The following IMMP2L variants were observed in gnomAD, a reference collection of about 807,000 sequenced individuals.
IMMP2L encodes inner mitochondrial membrane peptidase subunit 2.
IMMP2L carries 18 observed loss-of-function variants against 19.3 expected under a neutral mutation model. The ratio of observed to expected loss-of-function variants is 0.93; its 90% confidence interval spans 0.64 to 1.38. The LOEUF is 1.38. Among genes scored for constraint, IMMP2L ranks in the 40% most tolerant of loss-of-function variants. The pLI is 0.00. For missense variants in IMMP2L, 233 were observed against 218.2 expected, an observed-to-expected ratio of 1.07 and a Z score of -0.43; for synonymous variants, 76 against 73.0, an observed-to-expected ratio of 1.04 and a Z score of -0.21.
chr7:111,047,204 T>C (rs896463573), intron 3 of IMMP2L, among the ~76,000 whole-genome samples: 4 of 151,838 alleles, frequency 2.6e-5, no homozygotes, highest in African/African-American at 9.7e-5. Context: ...TTTGTTTTTT[T>C]TGAGACAGAG....
At chr7:111,552,213 G>C (rs1790744460) in intron 1 of IMMP2L, among the ~76,000 whole-genome samples, 1 of 152,152 alleles carries the variant, frequency 6.6e-6, no homozygotes. Flanking sequence ...GTGTCATAAT[G>C]CTAACATGGC....
intron 3 of IMMP2L, among the ~76,000 whole-genome samples, chr7:111,484,221 T>C (rs1342514785): frequency 1.3e-5 from 2 of 152,018 alleles, no homozygotes; most frequent in African/African-American, 2.4e-5. Flanking sequence ...TCATGTCTTT[T>C]AAACTGTGTT....
chr7:110,956,081 C>A (rs750922405), intron 4 of IMMP2L, among the ~76,000 whole-genome samples: 1 of 151,972 alleles, frequency 6.6e-6, no homozygotes, highest in Non-Finnish European at 1.5e-5. Flanking sequence ...ATTTCCACAT[C>A]TTCAATAGTA....
chr7:111,336,151 A>G (rs954951975), intron 3 of IMMP2L, among the ~76,000 whole-genome samples: 10 of 151,568 alleles, frequency 6.6e-5, no homozygotes, highest in African/African-American at 2.4e-4. Context: ...CCAGGAAGAA[A>G]TCCTCCTGCC....
chr7:111,293,495 T>A (rs1821325045), intron 3 of IMMP2L, among the ~76,000 whole-genome samples: 1 of 151,904 alleles, frequency 6.6e-6, no homozygotes, highest in Admixed American at 6.6e-5. Context: ...ACCAAATACG[T>A]ACCTCCTTCA....
chr7:110,766,096 A>T (rs1798640903), intron 5 of IMMP2L, among the ~76,000 whole-genome samples: 1 of 152,182 alleles, frequency 6.6e-6, no homozygotes, highest in African/African-American at 2.4e-5. Context: ...AATTAAATAT[A>T]ATTTGTTGTG....
intron 3 of IMMP2L, among the ~76,000 whole-genome samples, chr7:111,324,962 C>A (rs979526898): frequency 1.3e-5 from 2 of 151,670 alleles, no homozygotes; most frequent in African/African-American, 4.8e-5. Context: ...AAAACATTAA[C>A]TGAAATTAAT....
chr7:111,112,475 AC>A (rs1429451506), intron 3 of IMMP2L, among the ~76,000 whole-genome samples: 1 of 151,968 alleles, frequency 6.6e-6, no homozygotes, highest in Non-Finnish European at 1.5e-5. Flanking sequence ...ATTTCCACTC[AC>A]AAAAAGATGC....
At chr7:111,196,081 C>A (rs1809468434) in intron 3 of IMMP2L, among the ~76,000 whole-genome samples, 9 of 151,940 alleles carry the variant, frequency 5.9e-5, no homozygotes, top group Admixed American at 5.9e-4. Flanking sequence ...TCTGTGTTGC[C>A]CAGACTGGTC....
chr7:110,674,090 T>C (rs1792113543), intron 5 of IMMP2L, among the ~76,000 whole-genome samples: 1 of 152,242 alleles, frequency 6.6e-6, no homozygotes, highest in Admixed American at 6.5e-5. Flanking sequence ...AGAGGTTTAA[T>C]TGACTCACAG....
chr7:110,685,058 T>TG (rs1793015410), intron 5 of IMMP2L, among the ~76,000 whole-genome samples: 2 of 151,902 alleles, frequency 1.3e-5, no homozygotes, highest in Non-Finnish European at 2.9e-5. Context: ...CATTAAGGGT[T>TG]GGGGGGGAAG....
In IMMP2L at chr7:110,886,593, C is replaced by T. The variant is rs373285507; in HGVS notation, c.408G>A (p.Pro136=). ...AACAAGAAGATAAAAGATGACTTAC[C>T]GGCCCAAAAGAATTACTGTCAAAAC... ...GHSFDSNSFG[P]VSLGLLHAHA... is the part of the protein sequence containing the mutation. The change falls in exon 5 of 6, where the codon CCG becomes CCA. Residue 136 remains proline (P), a splice_region_variant and synonymous_variant. Coordinates refer to ENST00000405709, the MANE Select transcript of IMMP2L (RefSeq NM_032549.4). The T allele has an allele frequency of 1.6e-5, 24 of 1,545,942 alleles. No homozygotes were observed. Among genetic ancestry groups the T allele is most frequent in the South Asian group, 1.2e-4 (11 of 89,608 alleles).
At chr7:110,998,450 T>C in intron 3 of IMMP2L, among the ~76,000 whole-genome samples, 1 of 152,198 alleles carries the variant, frequency 6.6e-6, no homozygotes, top group East Asian at 1.9e-4. Flanking sequence ...GATGATTCTC[T>C]TGCTATGAAA....
At chr7:111,438,096 C>G (rs1342265104) in intron 3 of IMMP2L, among the ~76,000 whole-genome samples, 1 of 151,734 alleles carries the variant, frequency 6.6e-6, no homozygotes, top group African/African-American at 2.4e-5. Flanking sequence ...AAATCTATAA[C>G]AGCAAAATAT....
At chr7:111,473,014 A>G (rs1006438263) in intron 3 of IMMP2L, among the ~76,000 whole-genome samples, 1 of 152,202 alleles carries the variant, frequency 6.6e-6, no homozygotes, top group African/African-American at 2.4e-5. Flanking sequence ...TGATTAAGCA[A>G]CATGCTTAAT....
At chr7:111,087,309 C>A (rs541170754) in intron 3 of IMMP2L, among the ~76,000 whole-genome samples, 1 of 151,996 alleles carries the variant, frequency 6.6e-6, no homozygotes, top group South Asian at 2.1e-4. Flanking sequence ...ATTTGCAGGG[C>A]ATGGTGGCAC....
chr7:110,848,595 A>C (rs2131508667), intron 5 of IMMP2L, among the ~76,000 whole-genome samples: 1 of 152,276 alleles, frequency 6.6e-6, no homozygotes, highest in East Asian at 1.9e-4. Context: ...TGCACACAAA[A>C]ATCTGCACAC....
At chr7:111,273,327 C>A (rs1818678307) in intron 3 of IMMP2L, among the ~76,000 whole-genome samples, 2 of 151,900 alleles carry the variant, frequency 1.3e-5, no homozygotes, top group South Asian at 2.1e-4. Context: ...TACTGGAACA[C>A]TGAGGTATAA....
chr7:111,547,830 C>T (rs1849075724), intron 1 of IMMP2L, among the ~76,000 whole-genome samples: 1 of 151,992 alleles, frequency 6.6e-6, no homozygotes, highest in African/African-American at 2.4e-5. Flanking sequence ...AAACACTCCT[C>T]CCACCTCAGC....
Sources: allele counts gnomAD v4.1 joint callset (sites outside exome capture counted in the v4.1 genomes callset), GRCh38; gene constraint gnomAD v4.1.1; transcripts MANE v1.5; gene names NCBI Gene and HGNC (gene_info 2026-07-23, HGNC 2026-07-21).